The following SUN1 variants were observed in gnomAD, a reference collection of about 807,000 sequenced individuals.
SUN1 encodes SUN domain-containing protein 1.
SUN1 carries 61 observed loss-of-function variants against 103.2 expected under a neutral mutation model. The observed-to-expected ratio is 0.59, with a 90% CI of 0.48 to 0.73. The LOEUF (loss-of-function observed/expected upper bound fraction) is 0.73. Among genes scored for constraint, SUN1 ranks in the 30% least tolerant of loss-of-function variants. The pLI, the probability that SUN1 is intolerant of heterozygous loss-of-function variation, is 0.00. For synonymous variants in SUN1, 490 were observed against 425.7 expected (o/e 1.15, Z -1.86); for missense variants, 1,052 against 1,034.6 (o/e 1.02, Z -0.23).
At chr7:847,501 C>T (rs546032081) in intron 5 of SUN1, among the ~76,000 whole-genome samples, 5 of 103,594 alleles carry the variant, frequency 4.8e-5, no homozygotes, top group African/African-American at 1.5e-4. Context: ...CAGCGCCGTG[C>T]GCCAGCGGAG....
rs1383045889 is a variant in SUN1 at position 851,367 on chromosome 7, A to G, written c.659-17A>G. ...CCCTGGCGTCTGTCTGAGGCCACACACGTCTTCCCTGCACAGGTTACTTCT... is the reference window on the plus strand; with the variant it reads ...CCCTGGCGTCTGTCTGAGGCCACACGCGTCTTCCCTGCACAGGTTACTTCT... On this transcript the variant is annotated splice_polypyrimidine_tract_variant and intron_variant, in intron 5 of 18. Transcript: ENST00000401592. The G allele has an allele frequency of 1.9e-6, 3 of 1,572,126 alleles. No homozygotes were observed. The highest frequency in any genetic ancestry group is 1.7e-4 in the Middle Eastern group (1 of 5,898).
upstream of SUN1, among the ~76,000 whole-genome samples, chr7:828,325 G>A (rs1276997652): frequency 2.6e-5 from 4 of 152,084 alleles, no homozygotes; most frequent in South Asian, 6.2e-4. Flanking sequence ...AGGCTGGAGT[G>A]CAGTGGTGCT....
intron 1 of SUN1, among the ~76,000 whole-genome samples, chr7:824,866 G>A (rs62432907): frequency 0.13 from 19,424 of 152,026 alleles, 1,525 homozygotes; most frequent in South Asian, 0.23. Context: ...GGTGCGGGGT[G>A]GGGGCGTCCG....
intron 1 of SUN1, among the ~76,000 whole-genome samples, chr7:837,283 C>G (rs948848883): frequency 5.3e-5 from 8 of 152,226 alleles, no homozygotes; most frequent in African/African-American, 1.9e-4. Flanking sequence ...CCGTCACACT[C>G]TGAGCAGCGG....
In SUN1 at chr7:874,372, A is replaced by C. The variant is rs977136512; in HGVS notation, c.*1041A>C. The C allele has an allele frequency of 2.0e-5, 3 of 152,628 alleles. No individual in the cohort carries two copies. Among genetic ancestry groups the C allele is most frequent in the African/African-American group, 7.2e-5 (3 of 41,446 alleles). 9.5% of individuals were successfully genotyped at this position (152,628 alleles called of 1,614,324 possible). A position where few individuals can be genotyped will look rare whatever the true frequency, so the allele number is the denominator to read the frequency against. On this transcript the variant is annotated 3_prime_UTR_variant, in exon 19 of 19. Transcript: ENST00000401592. ...ATAATTACTATTTAATATTTAGACT[A>C]TTTTACTGAGCAGACTTTATAAATG...
chr7:860,182 G>C lies in SUN1; in HGVS notation c.1579G>C (p.Gly527Arg). 1.2e-6 allele frequency: 2 copies of C among 1,614,222 alleles called. No individual in the cohort carries two copies. Among genetic ancestry groups the C allele is most frequent in the Non-Finnish European group, 1.7e-6 (2 of 1,180,044 alleles). ...VKLLFSEDQQ[G>R]GSLEQLLQRF... ...ACTCCTGTTTTCCGAAGATCAGCAA[G>C]GCGGTTCTCTGGAACAGCTGCTGCA... Residue 527 changes from glycine to arginine, a missense_variant, in exon 14 of 19, where the codon GGC becomes CGC. Physicochemically the swap from Gly to Arg is moderately radical, Grantham distance 125. Transcript: ENST00000401592.
rs6954454 is a variant in SUN1, at chr7:851,069, A to G, written c.659-315A>G. On this transcript the variant is annotated intron_variant, in intron 5 of 18. Coordinates refer to ENST00000401592, the MANE Select transcript of SUN1 (RefSeq NM_001130965.3). The stretch of plus-strand genomic sequence containing the variant: ...TAAATTGTGCTGGCACCAATGGCCA[A>G]TATTTGTAGGGCGGCTTCCAACCTC... The G allele has an allele frequency of 5.3e-3, 1,114 of 211,626 alleles. 19 individuals are homozygous for G. The highest frequency in any genetic ancestry group is 0.023 in the African/African-American group (1,035 of 44,316). The allele number at this position is 211,626 out of a possible 1,614,324, so 13.1% of individuals were successfully genotyped here.
At chr7:850,000 G>C in intron 5 of SUN1, 1 of 1,599,994 alleles carries the variant, frequency 6.3e-7, no homozygotes, top group Non-Finnish European at 8.5e-7. Context: ...GCCCGGTCGG[G>C]CAGGGACCCT....
Position 838,904 on chromosome 7 carries a change from G to A in SUN1, c.184G>A (p.Ala62Thr), listed in dbSNP as rs199540623. Residue 62 changes from alanine (A) to threonine (T), a missense_variant, in exon 2 of 19, where the codon GCA becomes ACA. Ala to Thr is a moderately conservative substitution (Grantham distance 58). This residue lies in a region of SUN1 where 846 missense variants were observed against 774.5 expected (regional missense o/e 1.09). Transcript: ENST00000401592. ...SRRSLRLATT[A>T]CTLGDGEAVG... Reference sequence around the variant, plus strand: ...CCGTAGTTTGCGCCTGGCCACGACAGCATGCACCCTGGGGGATGGTGAGGC... The same window carrying A: ...CCGTAGTTTGCGCCTGGCCACGACAACATGCACCCTGGGGGATGGTGAGGC... 4 of 1,611,180 alleles carry A rather than the reference G, an allele frequency of 2.5e-6. No homozygotes were observed. Among genetic ancestry groups the A allele is most frequent in the South Asian group, 1.1e-5 (1 of 89,976 alleles).
In SUN1 at chr7:844,510, G is replaced by A. The variant is rs1240408044; in HGVS notation, c.658+990G>A. Among the ~76,000 whole-genome samples, 5 of 152,230 alleles carry A rather than the reference G, an allele frequency of 3.3e-5. No individual in the cohort carries two copies. In the South Asian group the frequency reaches 8.3e-4, roughly 25 times the overall value. ...GAAGGCTTCTGCCCTAAGATTTCTCGCATCTCGTTTTTACCATCTTGTCTT... is the reference window on the plus strand; with the variant it reads ...GAAGGCTTCTGCCCTAAGATTTCTCACATCTCGTTTTTACCATCTTGTCTT... On this transcript the variant is annotated intron_variant, in intron 5 of 18. Coordinates refer to ENST00000401592, the MANE Select transcript of SUN1 (RefSeq NM_001130965.3).
intron 13 of SUN1, among the ~76,000 whole-genome samples, chr7:858,909 C>G (rs573348099): frequency 1.3e-5 from 2 of 152,288 alleles, no homozygotes; most frequent in African/African-American, 4.8e-5. Flanking sequence ...GATTCCAGCA[C>G]TCTGGAGGCC....
Position 869,329 on chromosome 7 carries a change from C to A in SUN1, c.1981-20C>A. 6.2e-7 allele frequency: 1 copy of A among 1,610,776 alleles called. No homozygotes were observed. On this transcript the variant is annotated intron_variant, in intron 16 of 18. Coordinates refer to ENST00000401592, the MANE Select transcript of SUN1 (RefSeq NM_001130965.3). ...AGAGCATGCTCACACTCTGAGTCCTCATGTTTTTCCTTTCCCCAGCCTGAC... is the reference window on the plus strand; with the variant it reads ...AGAGCATGCTCACACTCTGAGTCCTAATGTTTTTCCTTTCCCCAGCCTGAC...
upstream of SUN1, chr7:830,862 C>G (rs1316001470): frequency 4.7e-5 from 38 of 815,602 alleles, no homozygotes; most frequent in Middle Eastern, 6.2e-4. Context: ...TGGGTTGTTG[C>G]TCGGCAGTGC....
intron 13 of SUN1, among the ~76,000 whole-genome samples, chr7:858,929 G>A (rs779581484): frequency 2.0e-5 from 3 of 152,116 alleles, no homozygotes; most frequent in Non-Finnish European, 4.4e-5. Context: ...CGAGGTGGGC[G>A]GATCACCTGA....
At chr7:818,069 C>T (rs73043549) in intron 1 of SUN1, among the ~76,000 whole-genome samples, 1 of 151,944 alleles carries the variant, frequency 6.6e-6, no homozygotes, top group Non-Finnish European at 1.5e-5. Flanking sequence ...TCCTCTCATT[C>T]ACCTGCTTTT....
At chr7:854,122 C>T (rs1173379035) in intron 10 of SUN1, among the ~76,000 whole-genome samples, 2 of 152,170 alleles carry the variant, frequency 1.3e-5, no homozygotes, top group East Asian at 1.9e-4. Context: ...AGAAAACAGC[C>T]GACAGCTGTT....
chr7:823,739 G>A (rs146722449), intron 1 of SUN1, among the ~76,000 whole-genome samples: 34 of 152,258 alleles, frequency 2.2e-4, no homozygotes, highest in Non-Finnish European at 4.4e-4. Flanking sequence ...CCAGGGAGAC[G>A]GTCAAGGCAC....
chr7:848,368 G>C lies in SUN1; in HGVS notation c.659-3016G>C, dbSNP rs141101788. The C allele has an allele frequency of 3.7e-4, 485 of 1,320,728 alleles. No homozygotes were observed. In the African/African-American group the frequency reaches 6.9e-3, roughly 19 times the overall value. The allele number at this position is 1,320,728 out of a possible 1,614,324, so 81.8% of individuals were successfully genotyped here. On this transcript the variant is annotated intron_variant, in intron 5 of 18. Coordinates refer to ENST00000401592, the MANE Select transcript of SUN1 (RefSeq NM_001130965.3). ...TGGCTACCTGACTTATCAGGAAGTA[G>C]ATATTGGCTTTATGGGAAGAAATAA... is the stretch of plus-strand genomic sequence containing the variant.
In SUN1 at chr7:857,120, T is replaced by G. The variant is rs528176782; in HGVS notation, c.1395-708T>G. ...TGGCAGCTTTGTCTTTCTTACTTCA[T>G]TTTATGCACGCAGCTCGTATTCCCC... On this transcript the variant is annotated intron_variant, in intron 12 of 18. Transcript: ENST00000401592. 1.4e-4 allele frequency among the ~76,000 whole-genome samples: 22 copies of G among 152,294 alleles called. 1 individual carries two copies. The South Asian group carries it at 4.6e-3, about 32-fold the overall frequency.
Sources: gnomAD v4.1 joint callset for allele counts (sites outside exome capture counted in the v4.1 genomes callset) on GRCh38, gnomAD v4.1.1 for gene constraint, gnomAD v4.1.1 regional missense constraint, MANE v1.5 for transcripts, NCBI Gene and HGNC (gene_info 2026-07-23, HGNC 2026-07-21) for gene names.